Variants in WDR18 observed in about 807,000 individuals in gnomAD.
The protein encoded by WDR18 is WD repeat domain 18, also known as WD repeat-containing protein 18.
A neutral mutation model predicts 49.6 loss-of-function variants in WDR18; 33 were observed. The ratio of observed to expected loss-of-function variants is 0.67; its 90% confidence interval spans 0.50 to 0.89. The LOEUF (loss-of-function observed/expected upper bound fraction) is 0.89, where lower values mean the gene tolerates loss of function less well. Ranked by LOEUF, WDR18 falls within the 40% of genes least tolerant of loss-of-function variation. The pLI is 0.00. For missense variants in WDR18, 653 were observed against 593.6 expected (o/e 1.10, Z -1.04); for synonymous variants, 315 against 263.6 (o/e 1.19, Z -1.89).
At chr19:988,055 C>G (rs1009504421) in intron 2 of WDR18, among the ~76,000 whole-genome samples, 5 of 151,956 alleles carry the variant, frequency 3.3e-5, no homozygotes, top group African/African-American at 9.7e-5. Context: ...GTTTCGAACT[C>G]CTGGTCTCAG....
At position 994,472 on chromosome 19, in the gene WDR18, T is replaced by G. The variant is rs2038606390; in HGVS notation, c.*128T>G. 5.1e-6 allele frequency: 7 copies of G among 1,361,572 alleles called. No individual in the cohort carries two copies. Among genetic ancestry groups the G allele is most frequent in the African/African-American group, 1.5e-5 (1 of 68,546 alleles). 84.3% of individuals were successfully genotyped at this position (1,361,572 alleles called of 1,614,324 possible). On this transcript the variant is annotated 3_prime_UTR_variant, in exon 10 of 10. Transcript: ENST00000585809. ...TCAGTTCTGTGTCGTGTTCGGGTTTTTCCTCTGTGACTGGGCCGTCTTGGT... is the reference window on the plus strand; with the variant it reads ...TCAGTTCTGTGTCGTGTTCGGGTTTGTCCTCTGTGACTGGGCCGTCTTGGT...
At chr19:989,628 C>T (rs2038518053) in intron 2 of WDR18, 134 bp from the exon 3 acceptor site, 8 of 1,309,026 alleles carry the variant, frequency 6.1e-6, no homozygotes. Flanking sequence ...GGTCACCCCG[C>T]AGTCCTGGGG....
At chr19:983,595 G>A (rs2038440867), upstream of WDR18, among the ~76,000 whole-genome samples, 3 of 151,060 alleles carry the variant, frequency 2.0e-5, no homozygotes, top group South Asian at 2.1e-4. Flanking sequence ...TTCAGACATG[G>A]TCCGTGACGG....
rs1050902540 is a variant in WDR18 at position 987,334 on chromosome 19, C to T, written c.321+1359C>T. Among the ~76,000 whole-genome samples the T allele has an allele frequency of 6.6e-5, 10 of 152,152 alleles. 1 individual carries two copies. The highest frequency in any genetic ancestry group is 6.6e-4 in the Admixed American group (10 of 15,264). On this transcript the variant is annotated intron_variant, in intron 2 of 9. Coordinates refer to ENST00000585809, the MANE Select transcript of WDR18 (RefSeq NM_024100.4). ...CTCCAGCCTGGGTGACAGAGCAAGA[C>T]CTTGTCTCCAAAGAAAAGGGGGGTC...
At chr19:984,206 T>A, upstream of WDR18, 1 of 870,422 alleles carries the variant, frequency 1.1e-6, no homozygotes, top group African/African-American at 1.8e-5. Context: ...AAATCCCACT[T>A]CACAAGAAAG....
intron 2 of WDR18, among the ~76,000 whole-genome samples, chr19:988,735 C>T (rs2038502212): frequency 6.6e-6 from 1 of 152,102 alleles, no homozygotes; most frequent in Admixed American, 6.5e-5. Flanking sequence ...GCCGGCACCC[C>T]TTGGCACCCT....
chr19:991,552 G>A (rs1179444505), intron 7 of WDR18, among the ~76,000 whole-genome samples: 2 of 113,232 alleles, frequency 1.8e-5, no homozygotes, highest in Non-Finnish European at 3.7e-5. Flanking sequence ...GTGGGGCGGG[G>A]CCTGGCTGGG....
At chr19:987,433 T>G (rs970394250) in intron 2 of WDR18, among the ~76,000 whole-genome samples, 1 of 152,192 alleles carries the variant, frequency 6.6e-6, no homozygotes, top group Non-Finnish European at 1.5e-5. Flanking sequence ...TATTTAATTT[T>G]TAAACTTATT....
intron 4 of WDR18, 128 bp downstream of exon 4, chr19:990,492 G>C (rs1029451323): frequency 1.2e-5 from 16 of 1,308,946 alleles, no homozygotes; most frequent in South Asian, 1.6e-5. Flanking sequence ...TTAATCCCCT[G>C]GTGCTCTGAG....
At chr19:990,046 C>A in intron 3 of WDR18, 151 bp downstream of exon 3, 1 of 1,401,020 alleles carries the variant, frequency 7.1e-7, no homozygotes, top group East Asian at 2.5e-5. Flanking sequence ...CCTGGCTGCC[C>A]ACACTGGGGT....
intron 2 of WDR18, among the ~76,000 whole-genome samples, chr19:988,607 T>G (rs1355194229): frequency 6.6e-6 from 1 of 152,182 alleles, no homozygotes; most frequent in African/African-American, 2.4e-5. Context: ...GCACAGGGAC[T>G]TTCGACAACA....
chr19:987,013 G>T (rs1272311156), intron 2 of WDR18, among the ~76,000 whole-genome samples: 1 of 152,212 alleles, frequency 6.6e-6, no homozygotes, highest in Non-Finnish European at 1.5e-5. Flanking sequence ...AGAACTGAGA[G>T]GGCTGGGTGG....
At chr19:984,885 C>T (rs2038459437) in intron 1 of WDR18, among the ~76,000 whole-genome samples, 1 of 152,032 alleles carries the variant, frequency 6.6e-6, no homozygotes, top group Admixed American at 6.6e-5. Flanking sequence ...TTAAAAGGGG[C>T]CTATGAGCTC....
At position 990,977 on chromosome 19, in the gene WDR18, G is replaced by A; in HGVS notation, c.723G>A (p.Gln241=). 1 of 1,610,040 alleles carries A rather than the reference G, an allele frequency of 6.2e-7. No individual in the cohort carries two copies. Among genetic ancestry groups the A allele is most frequent in the Non-Finnish European group, 8.5e-7 (1 of 1,178,348 alleles). Residue 241 remains glutamine, a synonymous_variant, in exon 5 of 10, where the codon CAG becomes CAA. Transcript: ENST00000585809. ...FCGGSEGSIF[Q]VDLFTWPGQR... ...GGGGCAGTGAGGGCTCCATCTTCCAGGTCGACCTCTTCACCTGGGTGAGTG... is the reference window on the plus strand; with the variant it reads ...GGGGCAGTGAGGGCTCCATCTTCCAAGTCGACCTCTTCACCTGGGTGAGTG...
Position 994,052 on chromosome 19 carries a change from G to A in WDR18, c.1131G>A (p.Glu377=). The A allele has an allele frequency of 1.3e-6, 2 of 1,560,800 alleles. No homozygotes were observed. The highest frequency in any genetic ancestry group is 1.7e-6 in the Non-Finnish European group (2 of 1,153,758). Reference sequence around the variant, plus strand: ...AGCCCAGCTACCTGGACCGCACGGAGCAGCTGCAGGCCGTCCTGTGCAGCA... The same window carrying A: ...AGCCCAGCTACCTGGACCGCACGGAACAGCTGCAGGCCGTCCTGTGCAGCA... ...GSEPSYLDRT[E]QLQAVLCSTM... Residue 377 remains glutamate (E), a synonymous_variant, in exon 9 of 10, where the codon GAG becomes GAA. Coordinates refer to ENST00000585809, the MANE Select transcript of WDR18 (RefSeq NM_024100.4).
chr19:991,916 G>A lies in WDR18; in HGVS notation c.932-39G>A, dbSNP rs957937242. The A allele has an allele frequency of 2.0e-6, 3 of 1,479,292 alleles. No homozygotes were observed. In the South Asian group the frequency reaches 3.9e-5, roughly 19 times the overall value. 91.6% of individuals were successfully genotyped at this position (1,479,292 alleles called of 1,614,324 possible). ...CTTGGCTTGCTGTGGGGTGGGGCCTGGCTGGGATGGGGCGGGGCCTGACCT... is the reference window on the plus strand; with the variant it reads ...CTTGGCTTGCTGTGGGGTGGGGCCTAGCTGGGATGGGGCGGGGCCTGACCT... On this transcript the variant is annotated intron_variant, in intron 7 of 9. Coordinates refer to ENST00000585809, the MANE Select transcript of WDR18 (RefSeq NM_024100.4).
rs570003378 is a variant in WDR18 at position 990,955 on chromosome 19, G to A, written c.701G>A (p.Gly234Asp). Residue 234 changes from glycine to aspartate, a missense_variant, in exon 5 of 10, where the codon GGC becomes GAC. Physicochemically the swap from Gly to Asp is moderately conservative, Grantham distance 94. Coordinates refer to ENST00000585809, the MANE Select transcript of WDR18 (RefSeq NM_024100.4). ...DLAEHHMFCG[G>D]SEGSIFQVDL... The stretch of plus-strand genomic sequence containing the variant: ...GCTGAGCACCATATGTTCTGCGGGG[G>A]CAGTGAGGGCTCCATCTTCCAGGTC... 2 of 1,612,160 alleles carry A rather than the reference G, an allele frequency of 1.2e-6. No homozygotes were observed. The highest frequency in any genetic ancestry group is 1.7e-4 in the Middle Eastern group (1 of 6,048).
chr19:994,241 G>A lies in WDR18; in HGVS notation c.1196G>A (p.Arg399His), dbSNP rs756233263. ...GTGCTCGGCGGCCAGGACCAGCTGC[G>A]CGTCCGTGTGACGGAGCTGGAGGAC... ...KSVLGGQDQL[R>H]VRVTELEDEV... is the part of the protein sequence containing the mutation. Residue 399 changes from arginine to histidine, a missense_variant, in exon 10 of 10, where the codon CGC becomes CAC. Physicochemically the swap from Arg to His is conservative, Grantham distance 29. Transcript: ENST00000585809. 8 of 1,606,874 alleles carry A rather than the reference G, an allele frequency of 5.0e-6. No homozygotes were observed. The Admixed American group carries it at 5.0e-5, about 10-fold the overall frequency.
At chr19:993,935 G>A (rs1035674965) in intron 8 of WDR18, 85 bp from the exon 9 acceptor site, 1 of 1,454,372 alleles carries the variant, frequency 6.9e-7, no homozygotes, top group South Asian at 1.2e-5. Context: ...CTGAGTGGCT[G>A]CCCACGCTGG....
Sources: gnomAD v4.1 joint callset for allele counts (sites outside exome capture counted in the v4.1 genomes callset) on GRCh38, gnomAD v4.1.1 for gene constraint, MANE v1.5 for transcripts, NCBI Gene and HGNC (gene_info 2026-07-23, HGNC 2026-07-21) for gene names.